Variants in RB1CC1 observed in about 807,000 individuals in gnomAD.
RB1CC1 encodes RB1 inducible coiled-coil 1, also known as RB1-inducible coiled-coil protein 1.
Under a neutral mutation model 177.5 loss-of-function variants are expected in RB1CC1, and 46 were observed. That is an observed-to-expected ratio of 0.26 (90% CI 0.20 to 0.33). The LOEUF is 0.33. Among genes scored for constraint, RB1CC1 ranks in the 10% least tolerant of loss-of-function variants. The pLI, the probability that RB1CC1 is intolerant of heterozygous loss-of-function variation, is 1.00. For missense variants in RB1CC1, 1,703 were observed against 1,816.3 expected (o/e 0.94, Z 1.13); for synonymous variants, 666 against 613.6 (o/e 1.09, Z -1.26).
rs1198698757 is a variant in RB1CC1, at chr8:52,697,294, CT to C, written c.-166-10328del. Among the ~76,000 whole-genome samples the C allele has an allele frequency of 6.2e-4, 57 of 91,786 alleles. 1 individual carries two copies. The highest frequency in any genetic ancestry group is 6.5e-3 in the Middle Eastern group (1 of 154). 60.2% of individuals were successfully genotyped at this position (91,786 alleles called of 152,430 possible). On this transcript the variant is annotated intron_variant, in intron 1 of 23. Transcript: ENST00000025008. ...ACTCTGTTTCTTCAACAAATGGTTA[CT>C]AAAAAAAAAAAAAAAAAAGAAGACT...
intron 19 of RB1CC1, 39 bp downstream of exon 19, chr8:52,635,976 C>T (rs539098078): frequency 6.3e-7 from 1 of 1,596,008 alleles, no homozygotes; most frequent in Admixed American, 1.8e-5. Flanking sequence ...CAAAAGTGAA[C>T]ATATTAAACA....
intron 8 of RB1CC1, among the ~76,000 whole-genome samples, chr8:52,662,571 T>C (rs2150507048): frequency 6.6e-6 from 1 of 152,206 alleles, no homozygotes; most frequent in African/African-American, 2.4e-5. Flanking sequence ...GTTTTGTACA[T>C]CCATCTGATT....
At chr8:52,707,435 T>TTC (rs1856675070) in intron 1 of RB1CC1, among the ~76,000 whole-genome samples, 2 of 147,230 alleles carry the variant, frequency 1.4e-5, no homozygotes, top group Admixed American at 6.7e-5. Context: ...TTTCTTTCTT[T>TTC]TTTTTTTTTT....
In RB1CC1 at chr8:52,628,015, C is replaced by A; in HGVS notation, c.4636+17G>T. The A allele has an allele frequency of 6.5e-7, 1 of 1,545,870 alleles. No individual in the cohort carries two copies. The highest frequency in any genetic ancestry group is 1.3e-5 in the South Asian group (1 of 79,990). On this transcript the variant is annotated intron_variant, in intron 22 of 23. Coordinates refer to ENST00000025008, the MANE Select transcript of RB1CC1 (RefSeq NM_014781.5). ...CTCCATTCCAGGTTTATATTTTAGT[C>A]ATGGAATGACACTTACCACCCTCAC...
intron 15 of RB1CC1, among the ~76,000 whole-genome samples, chr8:52,651,782 T>C (rs941979340): frequency 6.6e-6 from 1 of 152,234 alleles, no homozygotes; most frequent in Admixed American, 6.5e-5. Flanking sequence ...CTCTAAAATA[T>C]GTTAACATTT....
chr8:52,667,558 AC>A (rs1257327691), intron 8 of RB1CC1, among the ~76,000 whole-genome samples: 3 of 152,126 alleles, frequency 2.0e-5, no homozygotes, highest in Non-Finnish European at 4.4e-5. Flanking sequence ...CCATTCCATC[AC>A]CTTCCTTTGG....
At chr8:52,704,647 T>C (rs1244540909) in intron 1 of RB1CC1, among the ~76,000 whole-genome samples, 2 of 152,122 alleles carry the variant, frequency 1.3e-5, no homozygotes, top group Admixed American at 6.5e-5. Flanking sequence ...GAATGCTTAT[T>C]ATGTACATGT....
chr8:52,708,759 G>A (rs982301358), intron 1 of RB1CC1, among the ~76,000 whole-genome samples: 7 of 152,146 alleles, frequency 4.6e-5, no homozygotes, highest in African/African-American at 1.7e-4. Flanking sequence ...TATAAATGAA[G>A]GGGAGAAGAG....
intron 21 of RB1CC1, 94 bp from the exon 22 acceptor site, chr8:52,628,262 T>C: frequency 3.4e-6 from 4 of 1,191,220 alleles, no homozygotes; most frequent in Non-Finnish European, 1.2e-6. Flanking sequence ...CAACTACATA[T>C]TAAGATATTA....
intron 20 of RB1CC1, 79 bp from the exon 21 acceptor site, chr8:52,630,607 G>A: frequency 7.8e-6 from 11 of 1,414,686 alleles, no homozygotes; most frequent in Middle Eastern, 1.8e-4. Context: ...TTCACCCACT[G>A]TTATACACAT....
chr8:52,691,112 A>G (rs747700080), intron 1 of RB1CC1, among the ~76,000 whole-genome samples: 4 of 152,206 alleles, frequency 2.6e-5, no homozygotes, highest in Admixed American at 6.5e-5. Context: ...TTATTTCAGG[A>G]TCATCATATT....
chr8:52,681,693 G>A (rs1314410299), intron 5 of RB1CC1, among the ~76,000 whole-genome samples: 3 of 152,218 alleles, frequency 2.0e-5, no homozygotes, highest in Non-Finnish European at 2.9e-5. Flanking sequence ...CACTTAGGGA[G>A]GCCAAGACAG....
Position 52,658,096 on chromosome 8 carries a change from G to A in RB1CC1, c.1822C>T (p.Leu608=), listed in dbSNP as rs1404227803. The A allele has an allele frequency of 1.2e-6, 2 of 1,612,814 alleles. No individual in the cohort carries two copies. Among genetic ancestry groups the A allele is most frequent in the Non-Finnish European group, 8.5e-7 (1 of 1,179,760 alleles). ...TGTAGAGCAAGTACATGCTGGTGTAGAGGTTCAAAGTCACAAAGTAAGGGA... is the reference window on the plus strand; with the variant it reads ...TGTAGAGCAAGTACATGCTGGTGTAAAGGTTCAAAGTCACAAAGTAAGGGA... ...RVPLLCDFEP[L]HQHVLALHNL... The change falls in exon 14 of 24, where the codon CTA becomes TTA. Residue 608 remains leucine, a synonymous_variant. Transcript: ENST00000025008.
chr8:52,644,556 T>C (rs1248554377), intron 16 of RB1CC1, among the ~76,000 whole-genome samples: 4 of 152,176 alleles, frequency 2.6e-5, no homozygotes, highest in Non-Finnish European at 5.9e-5. Flanking sequence ...ACCTCCTCAT[T>C]GTTAATTCTT....
intron 8 of RB1CC1, 138 bp downstream of exon 8, chr8:52,667,883 A>C (rs1306564766): frequency 2.2e-5 from 18 of 819,058 alleles, no homozygotes; most frequent in Non-Finnish European, 2.3e-5. Context: ...GTTTTATTAC[A>C]AGGAAACAAT....
chr8:52,671,414 A>G (rs1231813316), intron 7 of RB1CC1, among the ~76,000 whole-genome samples: 1 of 152,236 alleles, frequency 6.6e-6, no homozygotes. Flanking sequence ...GCGATCAGAT[A>G]TCAGGTAGGT....
At chr8:52,710,715 T>C (rs1856989621) in intron 1 of RB1CC1, among the ~76,000 whole-genome samples, 1 of 152,068 alleles carries the variant, frequency 6.6e-6, no homozygotes, top group African/African-American at 2.4e-5. Flanking sequence ...AAATTATCTA[T>C]ATAGCAAATA....
chr8:52,710,213 A>C (rs1315309167), intron 1 of RB1CC1, among the ~76,000 whole-genome samples: 1 of 152,168 alleles, frequency 6.6e-6, no homozygotes, highest in Non-Finnish European at 1.5e-5. Flanking sequence ...AAAAAGAATG[A>C]AAGATGAGTA....
At position 52,624,681 on chromosome 8, in the gene RB1CC1, G is replaced by C. The variant is rs758632485; in HGVS notation, c.4707+36C>G. 2.7e-6 allele frequency: 4 copies of C among 1,492,384 alleles called. No individual in the cohort carries two copies. The South Asian group carries it at 4.6e-5, about 17-fold the overall frequency. The allele number at this position is 1,492,384 out of a possible 1,614,324, so 92.4% of individuals were successfully genotyped here. ...AAGCAGTATTAAAATCTTCTTTACAGTTCCCAGGCTTAGTATCACATGATG... is the reference window on the plus strand; with the variant it reads ...AAGCAGTATTAAAATCTTCTTTACACTTCCCAGGCTTAGTATCACATGATG... On this transcript the variant is annotated intron_variant, in intron 23 of 23. Transcript: ENST00000025008.
Sources: gnomAD v4.1 joint callset for allele counts (sites outside exome capture counted in the v4.1 genomes callset) on GRCh38, gnomAD v4.1.1 for gene constraint, MANE v1.5 for transcripts, NCBI Gene and HGNC (gene_info 2026-07-23, HGNC 2026-07-21) for gene names.